PLEKHA6: variants seen among roughly 807,000 people sequenced by gnomAD.
PLEKHA6 encodes pleckstrin homology domain-containing family A member 6.
A neutral mutation model predicts 116.7 loss-of-function variants in PLEKHA6; 60 were observed. The ratio of observed to expected loss-of-function variants is 0.51; its 90% CI spans 0.42 to 0.64. The LOEUF (loss-of-function observed/expected upper bound fraction) is 0.64, where lower values mean the gene tolerates loss of function less well. Ranked by LOEUF, PLEKHA6 falls within the 30% of genes least tolerant of loss-of-function variation. The probability of loss-of-function intolerance (pLI) is 0.00; values close to 1 mark genes in which losing one functional copy is unlikely to be tolerated. For missense variants in PLEKHA6, 1,338 were observed against 1,422.7 expected (o/e 0.94, Z 0.96); for synonymous variants, 489 against 556.1 (o/e 0.88, Z 1.70).
At chr1:204,328,454 T>A (rs1363722727) in intron 1 of PLEKHA6, among the ~76,000 whole-genome samples, 2 of 151,568 alleles carry the variant, frequency 1.3e-5, no homozygotes, top group African/African-American at 2.4e-5. Flanking sequence ...TGGAGTGCGA[T>A]GGCACCATCT....
chr1:204,229,708 C>A (rs947605511), intron 18 of PLEKHA6, among the ~76,000 whole-genome samples: 4 of 152,342 alleles, frequency 2.6e-5, no homozygotes, highest in East Asian at 3.9e-4. Context: ...AGGAGCCAAC[C>A]ACACCCGGCT....
intron 1 of PLEKHA6, among the ~76,000 whole-genome samples, chr1:204,377,359 C>T (rs1673888403): frequency 6.6e-6 from 1 of 152,204 alleles, no homozygotes; most frequent in African/African-American, 2.4e-5. Context: ...CCTGCCCAGC[C>T]TTTCCAAGCT....
intron 1 of PLEKHA6, among the ~76,000 whole-genome samples, chr1:204,375,670 C>T (rs938127): frequency 0.61 from 92,878 of 151,470 alleles, 30,490 homozygotes; most frequent in Middle Eastern, 0.76. Context: ...AACACAGACT[C>T]GATGATGTCA....
chr1:204,309,436 T>C (rs1671577092), intron 1 of PLEKHA6: 1 of 152,280 alleles, frequency 6.6e-6, no homozygotes, highest in Non-Finnish European at 1.5e-5. Context: ...TAACACTGCA[T>C]TTTTCCTGTA....
intron 1 of PLEKHA6, among the ~76,000 whole-genome samples, chr1:204,276,463 G>C (rs1668015003): frequency 6.6e-6 from 1 of 152,098 alleles, no homozygotes; most frequent in African/African-American, 2.4e-5. Context: ...GTCCCATCTG[G>C]TGGTCTGGGG....
In PLEKHA6 at chr1:204,228,410, T is replaced by C. The variant is rs553349870; in HGVS notation, c.2886-182A>G. ...CTGGCAAAACACAGGTTGGGACCCC[T>C]ACCTTCAATGTTCTCAAATGAATTA... is the stretch of plus-strand genomic sequence containing the variant. On this transcript the variant is annotated intron_variant, in intron 20 of 22. Coordinates refer to ENST00000272203, the MANE Select transcript of PLEKHA6 (RefSeq NM_014935.5). The surrounding 1 kb of genome is among the most constrained non-coding windows in gnomAD (Gnocchi z 4.0). Among the ~76,000 whole-genome samples, 1 of 152,128 alleles carries C rather than the reference T, an allele frequency of 6.6e-6. No homozygotes were observed. The highest frequency in any genetic ancestry group is 2.4e-5 in the African/African-American group (1 of 41,428).
At chr1:204,353,398 A>G (rs1397327112) in intron 1 of PLEKHA6, among the ~76,000 whole-genome samples, 1 of 152,152 alleles carries the variant, frequency 6.6e-6, no homozygotes, top group African/African-American at 2.4e-5. Context: ...CATATATCCA[A>G]CCAACATTTG....
At position 204,230,392 on chromosome 1, in the gene PLEKHA6, G is replaced by A. The variant is rs769987199; in HGVS notation, c.2583+21C>T. The A allele has an allele frequency of 2.4e-5, 37 of 1,552,186 alleles. No individual in the cohort carries two copies. The African/African-American group carries it at 4.1e-4, about 17-fold the overall frequency. On this transcript the variant is annotated intron_variant, in intron 18 of 22. Transcript: ENST00000272203. ...TGGCAGATGCCAGGCTCACGCCTGT[G>A]GGTAGCTGGGAAGGCATTACCACTT...
At position 204,219,709 on chromosome 1, in the gene PLEKHA6, C is replaced by T. The variant is rs1311769019; in HGVS notation, c.*3079G>A. Reference sequence around the variant, plus strand: ...TTCAGACCTAGACAAAGACTTCCATCCTGCCCAAATCCTTGCAAGGCCAGA... The same window carrying T: ...TTCAGACCTAGACAAAGACTTCCATTCTGCCCAAATCCTTGCAAGGCCAGA... On this transcript the variant is annotated 3_prime_UTR_variant, in exon 23 of 23. Transcript: ENST00000272203. 6.6e-6 allele frequency: 1 copy of T among 152,374 alleles called. No homozygotes were observed. The highest frequency in any genetic ancestry group is 1.9e-4 in the East Asian group (1 of 5,182). 9.4% of individuals were successfully genotyped at this position (152,374 alleles called of 1,614,324 possible). A position where few individuals can be genotyped will look rare whatever the true frequency, so the allele number is the denominator to read the frequency against.
intron 1 of PLEKHA6, among the ~76,000 whole-genome samples, chr1:204,276,243 C>G (rs976519801): frequency 2.6e-5 from 4 of 152,290 alleles, no homozygotes; most frequent in Admixed American, 2.6e-4. Flanking sequence ...CTTCGCAGCC[C>G]AGGCTTGCCA....
chr1:204,266,097 C>A (rs1387238679), intron 5 of PLEKHA6, among the ~76,000 whole-genome samples: 1 of 152,000 alleles, frequency 6.6e-6, no homozygotes, highest in African/African-American at 2.4e-5. Flanking sequence ...ACTCCTTAAG[C>A]CCTGCTTCTC....
At chr1:204,258,737 TG>T (rs1425304684) in intron 8 of PLEKHA6, among the ~76,000 whole-genome samples, 1 of 152,238 alleles carries the variant, frequency 6.6e-6, no homozygotes, top group Non-Finnish European at 1.5e-5. Flanking sequence ...AAGGCGTAAA[TG>T]GTCATAGATG....
intron 1 of PLEKHA6, chr1:204,307,834 C>T (rs1192043359): frequency 1.0e-6 from 1 of 984,466 alleles, no homozygotes; most frequent in East Asian, 1.1e-4. Flanking sequence ...CTGTCTCTCC[C>T]AGCCCCAACC....
At chr1:204,324,774 C>G (rs1672185954) in intron 1 of PLEKHA6, among the ~76,000 whole-genome samples, 1 of 152,150 alleles carries the variant, frequency 6.6e-6, no homozygotes, top group Non-Finnish European at 1.5e-5. Flanking sequence ...ATATCAGTTT[C>G]TCCATTCATT....
chr1:204,299,815 G>A (rs1002957414), intron 1 of PLEKHA6: 1 of 169,484 alleles, frequency 5.9e-6, no homozygotes, highest in Non-Finnish European at 1.2e-5. Context: ...TGGAGCAGAT[G>A]TTCTTTGTTC....
chr1:204,248,853 T>C lies in PLEKHA6; in HGVS notation c.1792A>G (p.Asn598Asp). 2 of 1,614,036 alleles carry C rather than the reference T, an allele frequency of 1.2e-6. No individual in the cohort carries two copies. Among genetic ancestry groups the C allele is most frequent in the African/African-American group, 1.3e-5 (1 of 75,046 alleles). ...KKDSLQNQLI[N>D]IRVELSQATT... ...GCCTGAGACAGCTCCACGCGGATGT[T>C]GATGAGCTGGTTCTGCAGTGAATCC... Residue 598 changes from asparagine (N) to aspartate (D), a missense_variant, in exon 12 of 23, where the codon AAC becomes GAC. By Grantham distance (23) the Asn-to-Asp change is conservative (BLOSUM62 1). Transcript: ENST00000272203.
intron 1 of PLEKHA6, chr1:204,325,756 C>G (rs997954302): frequency 5.1e-6 from 1 of 197,304 alleles, no homozygotes; most frequent in Admixed American, 6.5e-5. Flanking sequence ...CTTAGAGTAG[C>G]CTGTGAACAA....
rs189301611 is a variant in PLEKHA6 at position 204,304,023 on chromosome 1, A to C, written c.-94-29214T>G. Among the ~76,000 whole-genome samples, 360 of 152,278 alleles carry C rather than the reference A, an allele frequency of 2.4e-3. 2 individuals carry two copies. The highest frequency in any genetic ancestry group is 3.6e-3 in the Non-Finnish European group (243 of 68,016). ...AGCCACTGTGCCAGGCTTAGCCTAT[A>C]TTCTTGAGAGTTCAAGAAGACCCAC... is the stretch of plus-strand genomic sequence containing the variant. On this transcript the variant is annotated intron_variant, in intron 1 of 22. Transcript: ENST00000272203.
At position 204,228,638 on chromosome 1, in the gene PLEKHA6, A is replaced by G. The variant is rs1207659311; in HGVS notation, c.2885+90T>C. 1 of 1,189,646 alleles carries G rather than the reference A, an allele frequency of 8.4e-7. No individual in the cohort carries two copies. Among genetic ancestry groups the G allele is most frequent in the Non-Finnish European group, 1.2e-6 (1 of 802,546 alleles). 73.7% of individuals were successfully genotyped at this position (1,189,646 alleles called of 1,614,324 possible). ...CACCTCGATGTGCTCTCCCCTGGGG[A>G]GGCTCTGTGCCCCCAACGACTTCTA... On this transcript the variant is annotated intron_variant, in intron 20 of 22. Coordinates refer to ENST00000272203, the MANE Select transcript of PLEKHA6 (RefSeq NM_014935.5). The surrounding 1 kb of genome is among the most constrained non-coding windows in gnomAD (Gnocchi z 4.0).
Sources: allele counts gnomAD v4.1 joint callset (sites outside exome capture counted in the v4.1 genomes callset), GRCh38; gene constraint gnomAD v4.1.1; non-coding constraint Gnocchi (gnomAD v3.1); transcripts MANE v1.5; gene names NCBI Gene and HGNC (gene_info 2026-07-23, HGNC 2026-07-21).